BABAM2: variants seen among roughly 807,000 people sequenced by gnomAD.
BABAM2 encodes BRISC and BRCA1-A complex member 2.
In BABAM2, 31 loss-of-function variants were observed where a neutral mutation model predicts 54.7. The ratio of observed to expected loss-of-function variants is 0.57; its 90% confidence interval spans 0.43 to 0.77. The LOEUF (loss-of-function observed/expected upper bound fraction) is 0.77. BABAM2 is among the 30% of genes least tolerant of loss of function. The probability of loss-of-function intolerance (pLI) is 0.00; values close to 1 mark genes in which losing one functional copy is unlikely to be tolerated. For synonymous variants in BABAM2, 167 were observed against 162.9 expected, an observed-to-expected ratio of 1.03 and a Z score of -0.19; for missense variants, 364 against 455.8, an observed-to-expected ratio of 0.80 and a Z score of 1.83.
intron 6 of BABAM2, among the ~76,000 whole-genome samples, chr2:28,078,072 C>T (rs1664845036): frequency 6.6e-6 from 1 of 152,028 alleles, no homozygotes; most frequent in Non-Finnish European, 1.5e-5. Flanking sequence ...AGTTTGTACT[C>T]TTCTGAGTAA....
At chr2:28,027,047 A>G (rs1474211305) in intron 5 of BABAM2, among the ~76,000 whole-genome samples, 12 of 142,206 alleles carry the variant, frequency 8.4e-5, no homozygotes, top group African/African-American at 3.2e-4. Flanking sequence ...AAAACTCTGT[A>G]TGATTCCCAT....
At chr2:28,226,929 G>A (rs941177288) in intron 7 of BABAM2, among the ~76,000 whole-genome samples, 3 of 152,082 alleles carry the variant, frequency 2.0e-5, no homozygotes, top group Non-Finnish European at 4.4e-5. Context: ...GAGGTTTTTG[G>A]TCTGGGAACC....
At chr2:28,168,260 T>C (rs1673927872) in intron 7 of BABAM2, among the ~76,000 whole-genome samples, 1 of 152,224 alleles carries the variant, frequency 6.6e-6, no homozygotes, top group South Asian at 2.1e-4. Flanking sequence ...ATATATTCTT[T>C]CTATTCTTTG....
At chr2:28,075,749 G>A (rs1392640123) in intron 6 of BABAM2, among the ~76,000 whole-genome samples, 1 of 152,080 alleles carries the variant, frequency 6.6e-6, no homozygotes, top group Non-Finnish European at 1.5e-5. Context: ...CTGCAAATAG[G>A]CAGCTAATTC....
At position 28,315,421 on chromosome 2, in the gene BABAM2, T is replaced by TTTGTC. The variant is rs1553365600; in HGVS notation, c.1088+16932_1088+16933insGTCTT. Among the ~76,000 whole-genome samples, 36 of 110,198 alleles carry TTTGTC rather than the reference T, an allele frequency of 3.3e-4. No individual in the cohort carries two copies. In the East Asian group the frequency reaches 7.6e-3, roughly 23 times the overall value. 72.3% of individuals were successfully genotyped at this position (110,198 alleles called of 152,430 possible). A position where few individuals can be genotyped will look rare whatever the true frequency, so the allele number is the denominator to read the frequency against. ...GGTATTTCTTTGTGTGTGTGGTTCT[T>TTTGTC]TTTTCTTTTCTTTTCTTTTCTTTTC... On this transcript the variant is annotated intron_variant, in intron 11 of 11. Transcript: ENST00000379624.
rs1442457489 is a variant in BABAM2 at position 27,995,221 on chromosome 2, T to C, written c.300+7134T>C. Among the ~76,000 whole-genome samples the C allele has an allele frequency of 1.3e-5, 2 of 151,900 alleles. No individual in the cohort carries two copies. Among genetic ancestry groups the C allele is most frequent in the African/African-American group, 4.8e-5 (2 of 41,326 alleles). ...TGCTGGTAAGCCAGAGCTGGCAAAG[T>C]GGAAATGGGCTGGTTTCAGTGAAAC... is the stretch of plus-strand genomic sequence containing the variant. On this transcript the variant is annotated intron_variant, in intron 4 of 11. Coordinates refer to ENST00000379624, the MANE Select transcript of BABAM2 (RefSeq NM_199191.3). The surrounding 1 kb of genome is among the most constrained non-coding windows in gnomAD (Gnocchi z 4.1).
chr2:28,141,192 C>CATATATGTATATGTGTGT (rs1671022766), intron 7 of BABAM2, among the ~76,000 whole-genome samples: 1 of 152,086 alleles, frequency 6.6e-6, no homozygotes, highest in Non-Finnish European at 1.5e-5. Context: ...ATAACATACA[C>CATATATGTATATGTGTGT]ATATATGTAT....
At chr2:27,960,631 T>A (rs1670400270) in intron 3 of BABAM2, among the ~76,000 whole-genome samples, 1 of 152,136 alleles carries the variant, frequency 6.6e-6, no homozygotes. Flanking sequence ...CCAAAGTAGT[T>A]TTACTTAAAA....
At chr2:28,046,160 G>C (rs1030034171) in intron 6 of BABAM2, among the ~76,000 whole-genome samples, 14 of 152,212 alleles carry the variant, frequency 9.2e-5, no homozygotes, top group African/African-American at 3.1e-4. Flanking sequence ...CTGCCTTCGA[G>C]GTTCTGGCCC....
intron 6 of BABAM2, among the ~76,000 whole-genome samples, chr2:28,075,717 G>C (rs1664603195): frequency 6.6e-6 from 1 of 152,086 alleles, no homozygotes; most frequent in African/African-American, 2.4e-5. Context: ...TGCAGTATTT[G>C]CTACTTATAT....
chr2:27,966,689 G>A (rs772371114), intron 3 of BABAM2, among the ~76,000 whole-genome samples: 57 of 152,318 alleles, frequency 3.7e-4, no homozygotes, highest in Admixed American at 1.3e-3. Context: ...TGTACTCTGC[G>A]AAAATGTCTG....
chr2:28,069,266 A>G (rs572638762), intron 6 of BABAM2, among the ~76,000 whole-genome samples: 85 of 152,222 alleles, frequency 5.6e-4, no homozygotes, highest in Non-Finnish European at 1.1e-3. Context: ...AAATTATACA[A>G]TATGTTGGAA....
At chr2:28,093,883 C>T (rs564392515) in intron 6 of BABAM2, among the ~76,000 whole-genome samples, 6 of 152,164 alleles carry the variant, frequency 3.9e-5, no homozygotes, top group African/African-American at 9.6e-5. Context: ...TTGGACCAAA[C>T]GTAAGAATCA....
At position 28,244,387 on chromosome 2, in the gene BABAM2, T is replaced by G. The variant is rs112568527; in HGVS notation, c.852-393T>G. On this transcript the variant is annotated intron_variant, in intron 9 of 11. Transcript: ENST00000379624. ...TGGCATTGTAGTGTCATTGCTGACT[T>G]GATTTCTTAATATGTCCTTCTACTC... Among the ~76,000 whole-genome samples the G allele has an allele frequency of 1.9e-3, 290 of 152,352 alleles. 1 individual carries two copies. Among genetic ancestry groups the G allele is most frequent in the Non-Finnish European group, 3.4e-3 (229 of 68,030 alleles).
At chr2:28,032,836 A>G (rs1435952993) in intron 5 of BABAM2, among the ~76,000 whole-genome samples, 1 of 152,122 alleles carries the variant, frequency 6.6e-6, no homozygotes, top group Non-Finnish European at 1.5e-5. Context: ...TGAAATAATT[A>G]TAGATATATA....
At chr2:27,949,847 C>G (rs936461036) in intron 3 of BABAM2, among the ~76,000 whole-genome samples, 3 of 152,136 alleles carry the variant, frequency 2.0e-5, no homozygotes, top group Admixed American at 6.5e-5. Context: ...AATTCTAGTG[C>G]TCATTATTCC....
chr2:28,232,505 T>C (rs1038450929), intron 7 of BABAM2, among the ~76,000 whole-genome samples: 1 of 152,226 alleles, frequency 6.6e-6, no homozygotes, highest in African/African-American at 2.4e-5. Flanking sequence ...GTATTGTCGT[T>C]GTGCAAACAT....
chr2:27,954,136 C>T (rs1558615182), intron 3 of BABAM2, among the ~76,000 whole-genome samples: 1 of 152,182 alleles, frequency 6.6e-6, no homozygotes, highest in Non-Finnish European at 1.5e-5. Flanking sequence ...AAAGTTACAA[C>T]TCATTTCTAG....
intron 7 of BABAM2, among the ~76,000 whole-genome samples, chr2:28,194,807 G>T (rs1431128180): frequency 6.6e-6 from 1 of 152,050 alleles, no homozygotes; most frequent in Non-Finnish European, 1.5e-5. Context: ...TGATCCGCCT[G>T]TCTCGGCCTC....
Sources: gnomAD v4.1 joint callset for allele counts (sites outside exome capture counted in the v4.1 genomes callset) on GRCh38, gnomAD v4.1.1 for gene constraint, Gnocchi (gnomAD v3.1) non-coding constraint, MANE v1.5 for transcripts, NCBI Gene and HGNC (gene_info 2026-07-23, HGNC 2026-07-21) for gene names.